HIF1A: variants seen among roughly 807,000 people sequenced by gnomAD.
The protein encoded by HIF1A is hypoxia inducible factor 1 subunit alpha.
In HIF1A, 24 loss-of-function variants were observed where a neutral mutation model predicts 92.7. The observed-to-expected ratio is 0.26, with a 90% CI of 0.19 to 0.36. The LOEUF is 0.36. Among genes scored for constraint, HIF1A ranks in the 10% least tolerant of loss-of-function variants. HIF1A has a pLI of 1.00. For synonymous variants in HIF1A, 319 were observed against 338.7 expected (o/e 0.94, Z 0.64); for missense variants, 799 against 998.5 (o/e 0.80, Z 2.69).
Position 61,695,832 on chromosome 14 carries a change from A to G in HIF1A, c.28A>G (p.Lys10Glu), listed in dbSNP as rs2140112009. The G allele has an allele frequency of 6.3e-7, 1 of 1,591,106 alleles. No homozygotes were observed. Among genetic ancestry groups the G allele is most frequent in the Non-Finnish European group, 8.5e-7 (1 of 1,170,276 alleles). The change falls in exon 1 of 15, where the codon AAG becomes GAG. Residue 10 changes from lysine to glutamate, a missense_variant. Lys to Glu is a moderately conservative substitution (Grantham distance 56, BLOSUM62 1). Around this residue, in one of 2 missense-constraint regions of HIF1A, gnomAD observed 516 missense variants for 721.0 expected, o/e 0.72. Coordinates refer to ENST00000337138, the MANE Select transcript of HIF1A (RefSeq NM_001530.4). ...GGAGGGCGCCGGCGGCGCGAACGAC[A>G]AGAAAAAGTAAGCCCATTCCCTCGG... is the stretch of plus-strand genomic sequence containing the variant. MEGAGGAND[K>E]KKISSERRKE...
intron 10 of HIF1A, among the ~76,000 whole-genome samples, chr14:61,739,066 T>C (rs1220421803): frequency 6.6e-6 from 1 of 152,092 alleles, no homozygotes; most frequent in Non-Finnish European, 1.5e-5. Context: ...CCCCTTTGAG[T>C]TGGAGAACTG....
chr14:61,723,993 T>C (rs1186872649), intron 4 of HIF1A, among the ~76,000 whole-genome samples: 1 of 152,200 alleles, frequency 6.6e-6, no homozygotes, highest in South Asian at 2.1e-4. Flanking sequence ...GGTGTGTTTA[T>C]ACAAATAGTC....
chr14:61,706,742 A>C lies in HIF1A; in HGVS notation c.35+10903A>C, dbSNP rs560981455. 2.6e-5 allele frequency among the ~76,000 whole-genome samples: 4 copies of C among 152,322 alleles called. No homozygotes were observed. The South Asian group carries it at 8.3e-4, about 32-fold the overall frequency. On this transcript the variant is annotated intron_variant, in intron 1 of 14. Coordinates refer to ENST00000337138, the MANE Select transcript of HIF1A (RefSeq NM_001530.4). ...ATTTGGTAATTTTGGGATGGAACTC[A>C]GGGATCTGTAAATTTTACAAGCACT... is the stretch of plus-strand genomic sequence containing the variant.
chr14:61,712,899 A>G (rs1335606426), intron 1 of HIF1A, among the ~76,000 whole-genome samples: 5 of 151,678 alleles, frequency 3.3e-5, no homozygotes, highest in Admixed American at 3.3e-4. Context: ...GAAGATTAAT[A>G]TAGCCAAATA....
At chr14:61,712,340 G>A (rs1016494852) in intron 1 of HIF1A, among the ~76,000 whole-genome samples, 2 of 151,858 alleles carry the variant, frequency 1.3e-5, no homozygotes, top group African/African-American at 2.4e-5. Flanking sequence ...GAGCAAAGGG[G>A]GCAAAGTGGT....
intron 6 of HIF1A, among the ~76,000 whole-genome samples, chr14:61,729,925 T>G (rs1046857513): frequency 2.0e-5 from 3 of 152,210 alleles, no homozygotes; most frequent in Admixed American, 2.0e-4. Flanking sequence ...CTTGCATCTA[T>G]AACCCCTGAG....
At chr14:61,717,328 A>G (rs1162188135) in intron 1 of HIF1A, among the ~76,000 whole-genome samples, 1 of 152,240 alleles carries the variant, frequency 6.6e-6, no homozygotes, top group African/African-American at 2.4e-5. Flanking sequence ...CTTTAAGCTT[A>G]CTTAGAAATG....
At position 61,701,458 on chromosome 14, in the gene HIF1A, C is replaced by CT. The variant is rs369087436; in HGVS notation, c.35+5629dup. 3.8e-4 allele frequency among the ~76,000 whole-genome samples: 56 copies of CT among 148,552 alleles called. 1 individual carries two copies. The highest frequency in any genetic ancestry group is 1.4e-3 in the Admixed American group (21 of 14,888). On this transcript the variant is annotated intron_variant, in intron 1 of 14. Coordinates refer to ENST00000337138, the MANE Select transcript of HIF1A (RefSeq NM_001530.4). ...AAGGACAGGTCCCCCGTGTTTCCCC[C>CT]TTTTTTTTTTCCAAGTAGTTTGGGA...
At chr14:61,707,171 C>T (rs1029620539) in intron 1 of HIF1A, among the ~76,000 whole-genome samples, 1 of 152,170 alleles carries the variant, frequency 6.6e-6, no homozygotes, top group African/African-American at 2.4e-5. Context: ...CAGAGGGGCT[C>T]AGAGTGGTCC....
At chr14:61,737,346 T>C (rs1359502634) in intron 9 of HIF1A, among the ~76,000 whole-genome samples, 1 of 152,234 alleles carries the variant, frequency 6.6e-6, no homozygotes. Flanking sequence ...GTATTTCTTC[T>C]TCCCACATAA....
At chr14:61,735,822 C>G (rs145222625) in intron 8 of HIF1A, among the ~76,000 whole-genome samples, 1 of 152,142 alleles carries the variant, frequency 6.6e-6, no homozygotes, top group Non-Finnish European at 1.5e-5. Flanking sequence ...ATCTTTAGGA[C>G]TATCCTTAGA....
intron 4 of HIF1A, among the ~76,000 whole-genome samples, chr14:61,723,658 G>T (rs1435163598): frequency 6.6e-6 from 1 of 152,184 alleles, no homozygotes; most frequent in Non-Finnish European, 1.5e-5. Context: ...TAATATATGA[G>T]TTCTAATGTG....
At chr14:61,715,759 GGA>G (rs1355730582) in intron 1 of HIF1A, 1 of 152,332 alleles carries the variant, frequency 6.6e-6, no homozygotes, top group Non-Finnish European at 1.5e-5. Flanking sequence ...TCGCACTTTG[GGA>G]GGCCAAGGCA....
At chr14:61,738,406 C>T (rs2044665450) in intron 10 of HIF1A, 33 bp downstream of exon 10, 2 of 1,505,638 alleles carry the variant, frequency 1.3e-6, no homozygotes, top group South Asian at 1.3e-5. Flanking sequence ...AAAGGGACAA[C>T]TTTCAGATTT....
At chr14:61,705,824 G>C (rs1378957334) in intron 1 of HIF1A, among the ~76,000 whole-genome samples, 1 of 152,114 alleles carries the variant, frequency 6.6e-6, no homozygotes, top group Non-Finnish European at 1.5e-5. Context: ...GGAAAACAGA[G>C]ACTCTTGCTT....
chr14:61,746,826 C>A (rs1594891788), intron 14 of HIF1A, 108 bp from the exon 15 acceptor site: 2 of 838,086 alleles, frequency 2.4e-6, no homozygotes, highest in East Asian at 5.4e-5. Flanking sequence ...ACTAAAAACC[C>A]TTCCAGAATT....
At chr14:61,723,497 C>A (rs973573341) in intron 4 of HIF1A, among the ~76,000 whole-genome samples, 5 of 152,190 alleles carry the variant, frequency 3.3e-5, no homozygotes, top group Admixed American at 2.6e-4. Context: ...TGTCTTTTTT[C>A]ACTCTGTCAG....
Position 61,744,738 on chromosome 14 carries a change from G to C in HIF1A, c.2127G>C (p.Lys709Asn). ...TTCCTGAGGAAGAACTAAATCCAAA[G>C]ATACTAGCTTTGCAGAATGCTCAGA... is the stretch of plus-strand genomic sequence containing the variant. ...TTVPEEELNP[K>N]ILALQNAQRK... The change falls in exon 13 of 15, where the codon AAG (lysine) becomes AAC (asparagine). Residue 709 changes from lysine to asparagine, a missense_variant. Around this residue, in one of 2 missense-constraint regions of HIF1A, gnomAD observed 283 missense variants for 277.5 expected, o/e 1.02. Transcript: ENST00000337138. 6.3e-7 allele frequency: 1 copy of C among 1,592,342 alleles called. No homozygotes were observed. Among genetic ancestry groups the C allele is most frequent in the Non-Finnish European group, 8.6e-7 (1 of 1,163,462 alleles).
chr14:61,746,830 C>A, intron 14 of HIF1A, 104 bp from the exon 15 acceptor site: 2 of 895,458 alleles, frequency 2.2e-6, no homozygotes, highest in African/African-American at 1.7e-5. Context: ...AAAACCCTTC[C>A]AGAATTTTGC....
Sources: gnomAD v4.1 joint callset for allele counts (sites outside exome capture counted in the v4.1 genomes callset) on GRCh38, gnomAD v4.1.1 for gene constraint, gnomAD v4.1.1 regional missense constraint, MANE v1.5 for transcripts, NCBI Gene and HGNC (gene_info 2026-07-23, HGNC 2026-07-21) for gene names.